SEMA6D: variants seen among roughly 807,000 people sequenced by gnomAD.
SEMA6D encodes the protein semaphorin-6D.
SEMA6D carries 35 observed loss-of-function variants against 106.6 expected under a neutral mutation model. That is an observed-to-expected ratio of 0.33 (90% CI 0.25 to 0.44). SEMA6D has a LOEUF of 0.44. Ranked by LOEUF, SEMA6D falls within the 20% of genes least tolerant of loss-of-function variation. The pLI, the probability that SEMA6D is intolerant of heterozygous loss-of-function variation, is 1.00. For missense variants in SEMA6D, 1,185 were observed against 1,345.9 expected (o/e 0.88, Z 1.87); for synonymous variants, 499 against 487.7 (o/e 1.02, Z -0.31).
intron 3 of SEMA6D, among the ~76,000 whole-genome samples, chr15:47,498,163 C>A (rs192956064): frequency 1.5e-4 from 23 of 152,228 alleles, no homozygotes; most frequent in Admixed American, 7.9e-4. Context: ...CTGCCTACAA[C>A]ACCACTTTAA....
Position 47,763,980 on chromosome 15 carries a change from A to T in SEMA6D, c.878A>T (p.Tyr293Phe), listed in dbSNP as rs1027594651. The change falls in exon 10 of 19, where the codon TAC (tyrosine) becomes TTC (phenylalanine). Residue 293 changes from tyrosine to phenylalanine, a missense_variant. Physicochemically the swap from Tyr to Phe is conservative, Grantham distance 22. Around this residue, in one of 3 missense-constraint regions of SEMA6D, gnomAD observed 291 missense variants for 423.8 expected, o/e 0.69. Transcript: ENST00000536845. ...TCTGTCCCTGGAGATTCGTTTTTCT[A>T]CTTTGATGTTCTGCAGTCTATTACA... Reference protein sequence around the residue: ...NCSVPGDSFFYFDVLQSITDI... With the variant: ...NCSVPGDSFFFFDVLQSITDI... The T allele has an allele frequency of 6.2e-7, 1 of 1,613,802 alleles. No homozygotes were observed. The highest frequency in any genetic ancestry group is 1.3e-5 in the African/African-American group (1 of 74,890).
intron 3 of SEMA6D, among the ~76,000 whole-genome samples, chr15:47,512,605 A>T (rs1370234751): frequency 1.3e-5 from 2 of 152,162 alleles, no homozygotes; most frequent in African/African-American, 4.8e-5. Flanking sequence ...AGGTATGAGG[A>T]AGAATGGCTG....
At chr15:47,730,902 C>A (rs1371232054) in intron 1 of SEMA6D, 1 of 854,246 alleles carries the variant, frequency 1.2e-6, no homozygotes, top group Non-Finnish European at 2.0e-6. Flanking sequence ...GCCGGAGCCA[C>A]CTTCTTTCCC....
At chr15:47,552,905 T>TATATATTTATATATATATAA (rs1483274186) in intron 3 of SEMA6D, among the ~76,000 whole-genome samples, 1 of 94,838 alleles carries the variant, frequency 1.1e-5, no homozygotes, top group Non-Finnish European at 2.0e-5. Flanking sequence ...TATATATATA[T>TATATATTTATATATATATAA]AAATATATAT....
At chr15:47,222,075 G>T (rs894286052) in intron 1 of SEMA6D, among the ~76,000 whole-genome samples, 8 of 152,068 alleles carry the variant, frequency 5.3e-5, no homozygotes, top group African/African-American at 1.9e-4. Flanking sequence ...AAGAACTCCT[G>T]AACCAACTGA....
chr15:47,666,473 T>C (rs577647160), intron 4 of SEMA6D, among the ~76,000 whole-genome samples: 11 of 152,288 alleles, frequency 7.2e-5, no homozygotes, highest in African/African-American at 2.4e-4. Context: ...AGGAGGAGAA[T>C]TGGGGAGACT....
chr15:47,219,224 A>G (rs549074457), intron 1 of SEMA6D, among the ~76,000 whole-genome samples: 97 of 152,294 alleles, frequency 6.4e-4, no homozygotes, highest in Non-Finnish European at 1.1e-3. Context: ...AAGAAGCTGG[A>G]TGGAGTTGGG....
At chr15:47,233,592 A>G (rs965593793) in intron 1 of SEMA6D, among the ~76,000 whole-genome samples, 10 of 151,974 alleles carry the variant, frequency 6.6e-5, no homozygotes, top group Admixed American at 2.0e-4. Context: ...ATTTATTTCT[A>G]CAACTTTTTT....
chr15:47,506,975 G>C lies in SEMA6D; in HGVS notation c.-87+36430G>C, dbSNP rs375533423. On this transcript the variant is annotated intron_variant, in intron 3 of 19. Transcript: ENST00000558014. ...CAGCTGTATCTAATGCTACAGTGCT[G>C]CTAGTATTTAAAGAAAAAAGGAAGC... Among the ~76,000 whole-genome samples, 21 of 152,296 alleles carry C rather than the reference G, an allele frequency of 1.4e-4. 1 individual carries two copies. In the South Asian group the frequency reaches 3.5e-3, roughly 26 times the overall value.
intron 4 of SEMA6D, among the ~76,000 whole-genome samples, chr15:47,666,799 G>A (rs1283952493): frequency 6.6e-6 from 1 of 152,192 alleles, no homozygotes; most frequent in Non-Finnish European, 1.5e-5. Context: ...CAATGTAAAT[G>A]TATTTTAAGT....
intron 4 of SEMA6D, among the ~76,000 whole-genome samples, chr15:47,619,216 T>C (rs1163212465): frequency 6.6e-6 from 1 of 152,216 alleles, no homozygotes; most frequent in Admixed American, 6.5e-5. Flanking sequence ...TCTTGTTTCC[T>C]TTCCTCTCCT....
intron 3 of SEMA6D, among the ~76,000 whole-genome samples, chr15:47,540,043 G>GCT (rs1256450886): frequency 9.1e-6 from 1 of 109,542 alleles, no homozygotes; most frequent in Non-Finnish European, 1.8e-5. Flanking sequence ...TTTATATTTA[G>GCT]CTGTGTGTGT....
In SEMA6D at chr15:47,708,471, G is replaced by T. The variant is rs561854714; in HGVS notation, c.-54-51274G>T. 7.2e-5 allele frequency among the ~76,000 whole-genome samples: 11 copies of T among 152,258 alleles called. No homozygotes were observed. In the South Asian group the frequency reaches 2.3e-3, roughly 32 times the overall value. ...AAGCTTTTACAACCTGCAGTATTAT[G>T]CATTTCCCCTTGTCCTATACATCCA... On this transcript the variant is annotated intron_variant, in intron 4 of 19. Coordinates refer to the SEMA6D transcript ENST00000558014.
intron 3 of SEMA6D, among the ~76,000 whole-genome samples, chr15:47,478,405 T>C (rs550912701): frequency 4.6e-5 from 7 of 152,340 alleles, no homozygotes; most frequent in African/African-American, 1.7e-4. Flanking sequence ...GACAATTAAC[T>C]TGTTGAAAGT....
At chr15:47,558,895 A>C (rs2045992639) in intron 3 of SEMA6D, among the ~76,000 whole-genome samples, 1 of 152,056 alleles carries the variant, frequency 6.6e-6, no homozygotes, top group Non-Finnish European at 1.5e-5. Flanking sequence ...AAGTGGAGTG[A>C]GTTGAAGTAA....
intron 2 of SEMA6D, among the ~76,000 whole-genome samples, chr15:47,455,205 T>C (rs914969909): frequency 1.6e-4 from 25 of 151,882 alleles, no homozygotes; most frequent in African/African-American, 5.8e-4. Flanking sequence ...TAACAGGAGT[T>C]GGCAGGACAA....
intron 1 of SEMA6D, among the ~76,000 whole-genome samples, chr15:47,224,460 C>T (rs1006508852): frequency 2.0e-5 from 3 of 152,000 alleles, no homozygotes; most frequent in Admixed American, 2.0e-4. Context: ...AACAATAACC[C>T]TGTGAGATAA....
At chr15:47,748,854 G>A in intron 1 of SEMA6D, among the ~76,000 whole-genome samples, 1 of 152,128 alleles carries the variant, frequency 6.6e-6, no homozygotes. Flanking sequence ...CATTCTGGTG[G>A]CATTGTGGAG....
intron 2 of SEMA6D, among the ~76,000 whole-genome samples, chr15:47,436,628 A>G (rs903443891): frequency 3.3e-5 from 5 of 150,818 alleles, no homozygotes; most frequent in Admixed American, 6.6e-5. Flanking sequence ...CTTGGTGCCA[A>G]CATTAAAGAT....
Sources: allele counts gnomAD v4.1 joint callset (sites outside exome capture counted in the v4.1 genomes callset), GRCh38; gene constraint gnomAD v4.1.1; regional missense constraint gnomAD v4.1.1; transcripts MANE v1.5; gene names NCBI Gene and HGNC (gene_info 2026-07-23, HGNC 2026-07-21).